DOK5: variants seen among roughly 807,000 people sequenced by gnomAD.
The protein encoded by DOK5 is docking protein 5.
In DOK5, 27 loss-of-function variants were observed where a neutral mutation model predicts 43.3. That is an observed-to-expected ratio of 0.62 (90% CI 0.46 to 0.86). DOK5 has a LOEUF of 0.86. Among genes scored for constraint, DOK5 ranks in the 40% least tolerant of loss-of-function variants. DOK5 has a pLI of 0.00. For missense variants in DOK5, 373 were observed against 392.9 expected, an observed-to-expected ratio of 0.95 and a Z score of 0.43; for synonymous variants, 146 against 140.1, an observed-to-expected ratio of 1.04 and a Z score of -0.30.
Position 54,645,925 on chromosome 20 carries a change from C to CAAAAAAAAAAAAAA in DOK5, c.856+2365_856+2378dup, listed in dbSNP as rs550943378. ...AGAGCATGGCACATAGCAGATGCTGCAAAAAAAAAAAAAAAAAAAAAAAAA... is the reference window on the plus strand; with the variant it reads ...AGAGCATGGCACATAGCAGATGCTGCAAAAAAAAAAAAAAAAAAAAAAAAAAAAAAAAAAAAAAA... On this transcript the variant is annotated intron_variant, in intron 7 of 7. Coordinates refer to ENST00000262593, the MANE Select transcript of DOK5 (RefSeq NM_018431.5). 6.2e-4 allele frequency among the ~76,000 whole-genome samples: 53 copies of CAAAAAAAAAAAAAA among 85,866 alleles called. 1 individual carries two copies. The highest frequency in any genetic ancestry group is 7.3e-4 in the African/African-American group (17 of 23,144). The allele number at this position is 85,866 out of a possible 152,430, so 56.3% of individuals were successfully genotyped here. A position where few individuals can be genotyped will look rare whatever the true frequency, so the allele number is the denominator to read the frequency against.
intron 1 of DOK5, among the ~76,000 whole-genome samples, chr20:54,552,169 A>G (rs1392202725): frequency 6.6e-6 from 1 of 152,190 alleles, no homozygotes; most frequent in Non-Finnish European, 1.5e-5. Context: ...AAACTAACAA[A>G]CAAAACCCAA....
chr20:54,536,861 C>A (rs1983978303), intron 1 of DOK5, among the ~76,000 whole-genome samples: 1 of 152,192 alleles, frequency 6.6e-6, no homozygotes, highest in African/African-American at 2.4e-5. Context: ...GAGTCAGGAG[C>A]TCAGACTCTC....
chr20:54,585,681 T>C (rs1985779087), intron 2 of DOK5, among the ~76,000 whole-genome samples: 1 of 152,200 alleles, frequency 6.6e-6, no homozygotes, highest in Non-Finnish European at 1.5e-5. Context: ...AGCACAGGCT[T>C]TAGGGTTAGT....
At chr20:54,628,527 C>T (rs914181053) in intron 6 of DOK5, among the ~76,000 whole-genome samples, 1 of 147,026 alleles carries the variant, frequency 6.8e-6, no homozygotes, top group African/African-American at 2.5e-5. Flanking sequence ...AACTGATGCA[C>T]AGGACTCTGT....
intron 1 of DOK5, among the ~76,000 whole-genome samples, chr20:54,509,125 C>G (rs1334234161): frequency 6.6e-6 from 1 of 152,244 alleles, no homozygotes; most frequent in Non-Finnish European, 1.5e-5. Flanking sequence ...ATCCACTTGC[C>G]TTGGCCTCCC....
intron 1 of DOK5, among the ~76,000 whole-genome samples, chr20:54,533,361 T>G (rs1272554473): frequency 6.6e-6 from 1 of 152,212 alleles, no homozygotes; most frequent in Non-Finnish European, 1.5e-5. Flanking sequence ...TCTTCACCTA[T>G]AGTCCTGTGT....
chr20:54,611,795 T>C (rs1236174054), intron 6 of DOK5, among the ~76,000 whole-genome samples: 2 of 151,732 alleles, frequency 1.3e-5, no homozygotes, highest in Non-Finnish European at 2.9e-5. Context: ...ACATGTGGGG[T>C]GGTTGGATTT....
intron 6 of DOK5, among the ~76,000 whole-genome samples, chr20:54,636,410 T>C (rs1252709391): frequency 6.6e-6 from 1 of 152,178 alleles, no homozygotes; most frequent in African/African-American, 2.4e-5. Flanking sequence ...CTTCCCCAAT[T>C]ATTCCTGCAA....
chr20:54,524,296 G>A (rs1012886813), intron 1 of DOK5, among the ~76,000 whole-genome samples: 3 of 152,130 alleles, frequency 2.0e-5, no homozygotes, highest in African/African-American at 7.2e-5. Flanking sequence ...TTCTCACTTT[G>A]CCCCTTTGTT....
intron 1 of DOK5, among the ~76,000 whole-genome samples, chr20:54,483,779 C>T (rs561806764): frequency 1.3e-5 from 2 of 152,266 alleles, no homozygotes; most frequent in African/African-American, 4.8e-5. Flanking sequence ...ATTAAAATAG[C>T]TTCTTTCTAG....
chr20:54,497,000 A>G (rs1982429051), intron 1 of DOK5, among the ~76,000 whole-genome samples: 1 of 152,088 alleles, frequency 6.6e-6, no homozygotes, highest in Non-Finnish European at 1.5e-5. Context: ...CGGTGGACAG[A>G]CAGATCTTTC....
At chr20:54,546,620 T>C (rs1448133933) in intron 1 of DOK5, among the ~76,000 whole-genome samples, 2 of 151,118 alleles carry the variant, frequency 1.3e-5, no homozygotes, top group Non-Finnish European at 2.9e-5. Context: ...CATTGATATA[T>C]ATCTTTAGAG....
rs555481837 is a variant in DOK5, at chr20:54,650,656, T to C, written c.*177T>C. 1.7e-4 allele frequency: 94 copies of C among 557,218 alleles called. 1 individual carries two copies. In the South Asian group the frequency reaches 2.3e-3, roughly 13 times the overall value. 34.5% of individuals were successfully genotyped at this position (557,218 alleles called of 1,614,324 possible). A position where few individuals can be genotyped will look rare whatever the true frequency, so the allele number is the denominator to read the frequency against. On this transcript the variant is annotated 3_prime_UTR_variant, in exon 8 of 8. Coordinates refer to ENST00000262593, the MANE Select transcript of DOK5 (RefSeq NM_018431.5). Reference sequence around the variant, plus strand: ...AATAATTTTCTTTATTTTCTTTTTCTTTTTTAAATTCTTAGTGTAATTGAA... The same window carrying C: ...AATAATTTTCTTTATTTTCTTTTTCCTTTTTAAATTCTTAGTGTAATTGAA...
chr20:54,586,144 T>C (rs1985797501), intron 2 of DOK5, among the ~76,000 whole-genome samples: 1 of 152,170 alleles, frequency 6.6e-6, no homozygotes. Context: ...TTATGTGGCA[T>C]ATGTGTGGGG....
chr20:54,625,928 G>A (rs1987116735), intron 6 of DOK5, among the ~76,000 whole-genome samples: 1 of 152,162 alleles, frequency 6.6e-6, no homozygotes, highest in South Asian at 2.1e-4. Flanking sequence ...ATCATGGTGG[G>A]CACGACATCT....
chr20:54,619,363 C>T (rs966745287), intron 6 of DOK5, among the ~76,000 whole-genome samples: 7 of 152,028 alleles, frequency 4.6e-5, no homozygotes, highest in African/African-American at 1.4e-4. Context: ...CTCCCCTGAG[C>T]AGCTATAGCT....
At chr20:54,490,712 A>T (rs1982135064) in intron 1 of DOK5, among the ~76,000 whole-genome samples, 1 of 151,348 alleles carries the variant, frequency 6.6e-6, no homozygotes, top group African/African-American at 2.4e-5. Context: ...CAGCCTCCCG[A>T]GTAAGTAGCT....
chr20:54,632,458 T>G (rs1978614993), intron 6 of DOK5, among the ~76,000 whole-genome samples: 1 of 152,232 alleles, frequency 6.6e-6, no homozygotes. Context: ...GAGCTAATTC[T>G]AAATATTGGC....
At chr20:54,585,436 G>A (rs373091709) in intron 2 of DOK5, among the ~76,000 whole-genome samples, 1 of 152,174 alleles carries the variant, frequency 6.6e-6, no homozygotes, top group South Asian at 2.1e-4. Flanking sequence ...TTAATGGATA[G>A]GTAATGAAGT....
Sources: allele counts gnomAD v4.1 joint callset (sites outside exome capture counted in the v4.1 genomes callset), GRCh38; gene constraint gnomAD v4.1.1; transcripts MANE v1.5; gene names NCBI Gene and HGNC (gene_info 2026-07-23, HGNC 2026-07-21).